NUBPL: variants seen among roughly 807,000 people sequenced by gnomAD.
The protein encoded by NUBPL is NUBP iron-sulfur cluster assembly factor, mitochondrial.
In NUBPL, 31 loss-of-function variants were observed where a neutral mutation model predicts 45.7. That is an observed-to-expected ratio of 0.68 (90% CI 0.51 to 0.92). The LOEUF (loss-of-function observed/expected upper bound fraction) is 0.92, where lower values mean the gene tolerates loss of function less well. Among genes scored for constraint, NUBPL ranks in the 40% least tolerant of loss-of-function variants. The probability of loss-of-function intolerance (pLI) is 0.00; values close to 1 mark genes in which losing one functional copy is unlikely to be tolerated. For synonymous variants in NUBPL, 144 were observed against 140.9 expected (o/e 1.02, Z -0.15); for missense variants, 401 against 398.7 (o/e 1.01, Z -0.05).
intron 4 of NUBPL, among the ~76,000 whole-genome samples, chr14:31,664,890 T>C (rs1269539829): frequency 1.3e-5 from 2 of 152,224 alleles, no homozygotes; most frequent in Non-Finnish European, 2.9e-5. Context: ...TGTTAGGCTA[T>C]TAATTACTGC....
At chr14:31,734,297 G>T (rs979366434) in intron 6 of NUBPL, among the ~76,000 whole-genome samples, 1 of 152,080 alleles carries the variant, frequency 6.6e-6, no homozygotes, top group African/African-American at 2.4e-5. Flanking sequence ...TCTGTCTCTT[G>T]TCCTTCATTC....
chr14:31,678,901 G>A (rs12881178), intron 6 of NUBPL, among the ~76,000 whole-genome samples: 45,970 of 152,010 alleles, frequency 0.3, 7,660 homozygotes, highest in South Asian at 0.41. Context: ...TCCCTTTGAA[G>A]TTTATTTAGA....
At chr14:31,638,855 C>T (rs970363800) in intron 4 of NUBPL, among the ~76,000 whole-genome samples, 6 of 152,186 alleles carry the variant, frequency 3.9e-5, no homozygotes, top group African/African-American at 1.4e-4. Context: ...TCACTGATAC[C>T]CTTTCTTCCA....
rs904317821 is a variant in NUBPL, at chr14:31,646,049, A to G, written c.383-27306A>G. Among the ~76,000 whole-genome samples, 8 of 151,822 alleles carry G rather than the reference A, an allele frequency of 5.3e-5. 1 individual carries two copies. Among genetic ancestry groups the G allele is most frequent in the Non-Finnish European group, 1.2e-4 (8 of 67,958 alleles). ...TTCAGATTGAAGAACTCCCTTTAGG[A>G]TTTCTTGTGTGATGGATCTGGTGGT... On this transcript the variant is annotated intron_variant, in intron 4 of 10. Coordinates refer to ENST00000281081, the MANE Select transcript of NUBPL (RefSeq NM_025152.3).
intron 6 of NUBPL, among the ~76,000 whole-genome samples, chr14:31,786,092 A>T (rs1408400775): frequency 6.6e-6 from 1 of 152,130 alleles, no homozygotes; most frequent in Non-Finnish European, 1.5e-5. Context: ...CAGGAGGTTG[A>T]GGTTGTAGTG....
intron 6 of NUBPL, among the ~76,000 whole-genome samples, chr14:31,701,412 T>A (rs1595515166): frequency 1.3e-5 from 2 of 152,172 alleles, no homozygotes; most frequent in East Asian, 3.9e-4. Flanking sequence ...CAGCAGGATG[T>A]GGGTGGGGTC....
intron 8 of NUBPL, among the ~76,000 whole-genome samples, chr14:31,834,972 G>A (rs536903299): frequency 3.4e-4 from 52 of 152,250 alleles, no homozygotes; most frequent in East Asian, 3.1e-3. Context: ...GTATAAGAGG[G>A]TTCTTCATCA....
intron 6 of NUBPL, among the ~76,000 whole-genome samples, chr14:31,763,749 C>G (rs1314448841): frequency 6.6e-6 from 1 of 152,064 alleles, no homozygotes; most frequent in East Asian, 1.9e-4. Context: ...ATACAAGAAT[C>G]TAACATTAAA....
chr14:31,812,202 C>T (rs1361427095), intron 7 of NUBPL, among the ~76,000 whole-genome samples: 1 of 152,210 alleles, frequency 6.6e-6, no homozygotes. Flanking sequence ...TTTAAGTCTG[C>T]AGAAGTTTCT....
chr14:31,600,428 A>G (rs2034400336), intron 4 of NUBPL, among the ~76,000 whole-genome samples: 1 of 152,190 alleles, frequency 6.6e-6, no homozygotes. Flanking sequence ...ACGCCAGTTC[A>G]TCTAATGTGC....
intron 6 of NUBPL, among the ~76,000 whole-genome samples, chr14:31,712,775 C>T (rs1458625829): frequency 1.3e-5 from 2 of 152,218 alleles, no homozygotes; most frequent in African/African-American, 2.4e-5. Flanking sequence ...TGAGTATTGC[C>T]AGGGAAGAAG....
At chr14:31,595,495 A>G (rs2034259371) in intron 3 of NUBPL, among the ~76,000 whole-genome samples, 1 of 152,218 alleles carries the variant, frequency 6.6e-6, no homozygotes. Flanking sequence ...TCTGGCTGAA[A>G]TTGAAGAAAA....
intron 6 of NUBPL, among the ~76,000 whole-genome samples, chr14:31,717,370 T>C (rs1486415638): frequency 6.6e-6 from 1 of 152,202 alleles, no homozygotes; most frequent in Admixed American, 6.5e-5. Flanking sequence ...TCATATTAAG[T>C]GCTCTTGTGT....
rs80094500 is a variant in NUBPL, at chr14:31,631,667, G to A, written c.382+32288G>A. Among the ~76,000 whole-genome samples, 693 of 152,200 alleles carry A rather than the reference G, an allele frequency of 4.6e-3. 3 individuals are homozygous for A. The highest frequency in any genetic ancestry group is 0.015 in the African/African-American group (641 of 41,524). ...GCCAATGATATAAGTTTTAGGTGCT[G>A]TAAATTCCAGTCTGAGTCCAAGTCC... On this transcript the variant is annotated intron_variant, in intron 4 of 10. Transcript: ENST00000281081.
intron 6 of NUBPL, among the ~76,000 whole-genome samples, chr14:31,766,368 G>T (rs545183416): frequency 7.9e-5 from 12 of 152,266 alleles, no homozygotes; most frequent in African/African-American, 2.6e-4. Flanking sequence ...GCAGCCTCCG[G>T]TTGGAAGGCA....
chr14:31,680,546 T>C (rs2036807324), intron 6 of NUBPL, among the ~76,000 whole-genome samples: 1 of 152,114 alleles, frequency 6.6e-6, no homozygotes, highest in South Asian at 2.1e-4. Context: ...TTTTCTGATG[T>C]TAATGTTTTC....
intron 4 of NUBPL, among the ~76,000 whole-genome samples, chr14:31,656,970 GA>G (rs1004368496): frequency 6.6e-6 from 1 of 152,192 alleles, no homozygotes; most frequent in Non-Finnish European, 1.5e-5. Flanking sequence ...TGAGTGAGGA[GA>G]AAGAATTGTC....
At chr14:31,633,660 A>G (rs1208077745) in intron 4 of NUBPL, among the ~76,000 whole-genome samples, 3 of 152,328 alleles carry the variant, frequency 2.0e-5, no homozygotes, top group Non-Finnish European at 4.4e-5. Context: ...ATCAACACTG[A>G]GGGAGATTTT....
At chr14:31,745,448 T>C (rs1473509088) in intron 6 of NUBPL, among the ~76,000 whole-genome samples, 2 of 152,132 alleles carry the variant, frequency 1.3e-5, no homozygotes, top group Non-Finnish European at 1.5e-5. Context: ...ATCCAGTCTA[T>C]CATTGTTGGA....
Sources: gnomAD v4.1 joint callset for allele counts (sites outside exome capture counted in the v4.1 genomes callset) on GRCh38, gnomAD v4.1.1 for gene constraint, MANE v1.5 for transcripts, NCBI Gene and HGNC (gene_info 2026-07-23, HGNC 2026-07-21) for gene names.